The following METAP1D variants were observed in gnomAD, a reference collection of about 807,000 sequenced individuals.
METAP1D encodes methionine aminopeptidase 1D, mitochondrial.
In METAP1D, 31 loss-of-function variants were observed where a neutral mutation model predicts 40.5. The ratio of observed to expected loss-of-function variants is 0.77; its 90% CI spans 0.58 to 1.03. METAP1D has a LOEUF of 1.03. METAP1D is among the 50% of genes least tolerant of loss of function. The probability of loss-of-function intolerance (pLI) is 0.00; values close to 1 mark genes in which losing one functional copy is unlikely to be tolerated. For synonymous variants in METAP1D, 151 were observed against 146.4 expected (o/e 1.03, Z -0.22); for missense variants, 411 against 420.7 (o/e 0.98, Z 0.20).
At chr2:172,017,899 C>T (rs990224400) in intron 1 of METAP1D, among the ~76,000 whole-genome samples, 2 of 151,958 alleles carry the variant, frequency 1.3e-5, no homozygotes, top group South Asian at 2.1e-4. Flanking sequence ...GAGGCTGAGG[C>T]GGGTGAATCA....
intron 1 of METAP1D, among the ~76,000 whole-genome samples, chr2:172,030,734 T>G (rs7594711): frequency 0.26 from 39,445 of 152,198 alleles, 5,208 homozygotes; most frequent in Non-Finnish European, 0.28. Flanking sequence ...TAAGAAAGTC[T>G]TTCATTTAAC....
intron 1 of METAP1D, among the ~76,000 whole-genome samples, chr2:172,056,806 A>G (rs559927862): frequency 6.6e-6 from 1 of 152,318 alleles, no homozygotes; most frequent in East Asian, 1.9e-4. Context: ...AGTGAAGAAA[A>G]TGAGTCTCAG....
At chr2:172,070,196 T>C (rs1690390366) in intron 5 of METAP1D, among the ~76,000 whole-genome samples, 1 of 152,222 alleles carries the variant, frequency 6.6e-6, no homozygotes, top group African/African-American at 2.4e-5. Flanking sequence ...TGAAGACTGA[T>C]AAAATTATAC....
In METAP1D at chr2:172,061,657, T is replaced by G. The variant is rs750534046; in HGVS notation, c.198+2T>G. On this transcript the variant is annotated splice_donor_variant, in intron 2 of 9. Coordinates refer to ENST00000315796, the MANE Select transcript of METAP1D (RefSeq NM_199227.3). LOFTEE classifies it high-confidence loss of function. The stretch of plus-strand genomic sequence containing the variant: ...TCTTCAGCTCATCCGGTTCCTAAGG[T>G]ACTGTATTGCCTATTATCTCCTGCT... The G allele has an allele frequency of 2.5e-6, 4 of 1,607,060 alleles. No homozygotes were observed. Among genetic ancestry groups the G allele is most frequent in the Middle Eastern group, 1.7e-4 (1 of 6,020 alleles).
At chr2:172,026,708 A>G (rs903728014) in intron 1 of METAP1D, among the ~76,000 whole-genome samples, 10 of 152,058 alleles carry the variant, frequency 6.6e-5, no homozygotes, top group Admixed American at 5.9e-4. Flanking sequence ...GTGTCCCCCA[A>G]ATTTGTTTCT....
At chr2:172,068,459 A>G (rs575326074) in intron 5 of METAP1D, among the ~76,000 whole-genome samples, 25 of 152,280 alleles carry the variant, frequency 1.6e-4, no homozygotes, top group Non-Finnish European at 2.8e-4. Context: ...GAAATTGTAG[A>G]TGACTGCCAC....
chr2:172,079,299 C>T (rs774542657), intron 8 of METAP1D, 37 bp downstream of exon 8: 4 of 1,609,814 alleles, frequency 2.5e-6, no homozygotes, highest in Non-Finnish European at 3.4e-6. Flanking sequence ...GTGCGTAGCT[C>T]CTGGTGGAAG....
intron 1 of METAP1D, among the ~76,000 whole-genome samples, chr2:172,045,867 C>T (rs1276075988): frequency 9.1e-5 from 6 of 65,878 alleles, no homozygotes; most frequent in African/African-American, 3.4e-4. Context: ...ATATATATGA[C>T]GGAATTCTTT....
intron 1 of METAP1D, among the ~76,000 whole-genome samples, chr2:172,045,733 A>G (rs35433608): frequency 0.069 from 4,872 of 70,756 alleles, 333 homozygotes; most frequent in African/African-American, 0.12. Context: ...GTGTGTGTGT[A>G]TATATATGTG....
In METAP1D at chr2:172,031,984, C is replaced by A. The variant is rs77374058; in HGVS notation, c.41-29514C>A. 5.9e-3 allele frequency among the ~76,000 whole-genome samples: 894 copies of A among 152,308 alleles called. 4 individuals are homozygous for A. Among genetic ancestry groups the A allele is most frequent in the Non-Finnish European group, 7.1e-3 (481 of 68,020 alleles). ...TGCCCGGCTGGTCAAACATGTGTAA[C>A]GGTGCCCTGGGGCACCAAGCATGCC... On this transcript the variant is annotated intron_variant, in intron 1 of 9. Coordinates refer to ENST00000315796, the MANE Select transcript of METAP1D (RefSeq NM_199227.3).
chr2:172,024,852 A>C (rs951278962), intron 1 of METAP1D, among the ~76,000 whole-genome samples: 2 of 152,010 alleles, frequency 1.3e-5, no homozygotes, highest in Non-Finnish European at 1.5e-5. Context: ...AACTTTTAAA[A>C]GCTAATGATA....
At chr2:172,042,909 ATG>A (rs1689634072) in intron 1 of METAP1D, among the ~76,000 whole-genome samples, 2 of 128,518 alleles carry the variant, frequency 1.6e-5, no homozygotes, top group Admixed American at 7.6e-5. Flanking sequence ...ATGTGTACAT[ATG>A]TATACATATA....
intron 1 of METAP1D, among the ~76,000 whole-genome samples, chr2:172,036,657 A>G (rs1210578314): frequency 2.6e-5 from 4 of 151,748 alleles, no homozygotes; most frequent in Admixed American, 6.6e-5. Context: ...GAGCCACCGC[A>G]CCCGGCCCGT....
chr2:172,074,451 C>A (rs1431209347), intron 6 of METAP1D, among the ~76,000 whole-genome samples: 5 of 152,144 alleles, frequency 3.3e-5, no homozygotes, highest in Non-Finnish European at 7.4e-5. Context: ...CTGTAAATTA[C>A]AATTATACTG....
At chr2:172,045,699 A>ATGTGTGTGTGTGTGTG (rs796722451) in intron 1 of METAP1D, among the ~76,000 whole-genome samples, 23 of 82,238 alleles carry the variant, frequency 2.8e-4, no homozygotes, top group South Asian at 9.4e-4. Context: ...ATTCATATAT[A>ATGTGTGTGTGTGTGTG]TGTGTGTGTG....
At chr2:172,051,785 A>T (rs1689889821) in intron 1 of METAP1D, among the ~76,000 whole-genome samples, 2 of 152,134 alleles carry the variant, frequency 1.3e-5, no homozygotes, top group Non-Finnish European at 2.9e-5. Flanking sequence ...ATCCATCTCA[A>T]CTTCATTTGA....
At chr2:172,009,286 G>C (rs778453392) in intron 1 of METAP1D, among the ~76,000 whole-genome samples, 2 of 151,768 alleles carry the variant, frequency 1.3e-5, no homozygotes, top group East Asian at 3.9e-4. Context: ...CTCGTGGTCC[G>C]CCCACTTCGG....
chr2:172,079,358 C>T, intron 8 of METAP1D, 96 bp downstream of exon 8: 1 of 1,086,044 alleles, frequency 9.2e-7, no homozygotes, highest in Non-Finnish European at 1.4e-6. Context: ...ACCAATAAAG[C>T]CAATCAGTGT....
chr2:172,021,897 G>A (rs1247222402), intron 1 of METAP1D: 1 of 152,188 alleles, frequency 6.6e-6, no homozygotes, highest in Non-Finnish European at 1.5e-5. Flanking sequence ...TATTTTTCTG[G>A]CCCAGATGTT....
Sources: gnomAD v4.1 joint callset for allele counts (sites outside exome capture counted in the v4.1 genomes callset) on GRCh38, gnomAD v4.1.1 for gene constraint, MANE v1.5 for transcripts, NCBI Gene and HGNC (gene_info 2026-07-23, HGNC 2026-07-21) for gene names.